The following ZNF254 variants were observed in gnomAD, a reference collection of about 807,000 sequenced individuals.
The protein encoded by ZNF254 is zinc finger protein 254, also known as CTD-2017D11.1.
In ZNF254, 10 loss-of-function variants were observed where a neutral mutation model predicts 12.4. That is an observed-to-expected ratio of 0.80 (90% CI 0.50 to 1.36). The LOEUF is 1.36. ZNF254 is among the 40% of genes most tolerant of loss of function. The pLI is 0.00. For synonymous variants in ZNF254, 305 were observed against 253.4 expected (o/e 1.20, Z -1.93); for missense variants, 996 against 763.9 (o/e 1.30, Z -3.58).
intron 3 of ZNF254, among the ~76,000 whole-genome samples, chr19:24,125,809 C>T (rs1032323206): frequency 1.3e-5 from 2 of 152,142 alleles, no homozygotes; most frequent in Non-Finnish European, 2.9e-5. Flanking sequence ...TCTTTCAGTA[C>T]TTTATGTCAT....
At chr19:24,125,487 T>C (rs551792341) in intron 3 of ZNF254, among the ~76,000 whole-genome samples, 2 of 152,106 alleles carry the variant, frequency 1.3e-5, no homozygotes, top group South Asian at 2.1e-4. Context: ...GTATATATTA[T>C]AATCCTTGAT....
intron 2 of ZNF254, among the ~76,000 whole-genome samples, chr19:24,053,667 G>A (rs959208910): frequency 3.9e-5 from 6 of 152,140 alleles, no homozygotes; most frequent in Admixed American, 1.3e-4. Flanking sequence ...TGTGCTGCCT[G>A]GTTCCTCTTG....
chr19:24,042,591 G>A (rs914102034), intron 1 of ZNF254, among the ~76,000 whole-genome samples: 8 of 152,134 alleles, frequency 5.3e-5, no homozygotes, highest in Non-Finnish European at 7.3e-5. Flanking sequence ...AACATCAGAA[G>A]GGACAGACTC....
upstream of ZNF254, among the ~76,000 whole-genome samples, chr19:24,086,430 C>T (rs941332617): frequency 1.3e-5 from 2 of 151,894 alleles, no homozygotes; most frequent in Admixed American, 6.6e-5. Context: ...CTCAGCCACC[C>T]GAGAAGCTGG....
intron 1 of ZNF254, among the ~76,000 whole-genome samples, chr19:24,045,917 C>G (rs960274921): frequency 6.6e-6 from 1 of 151,856 alleles, no homozygotes; most frequent in African/African-American, 2.4e-5. Context: ...AAAAAAAATT[C>G]TAAGTTTGTT....
chr19:24,056,241 C>T (rs987499487), intron 2 of ZNF254, among the ~76,000 whole-genome samples: 1 of 152,140 alleles, frequency 6.6e-6, no homozygotes, highest in Non-Finnish European at 1.5e-5. Flanking sequence ...TGTTCCCCGA[C>T]CACATAAGCA....
At chr19:24,064,390 C>G (rs959376754) in intron 2 of ZNF254, among the ~76,000 whole-genome samples, 1 of 152,102 alleles carries the variant, frequency 6.6e-6, no homozygotes, top group Non-Finnish European at 1.5e-5. Flanking sequence ...GACCAACATG[C>G]TAGATGATAG....
intron 3 of ZNF254, among the ~76,000 whole-genome samples, chr19:24,114,054 C>A (rs941987905): frequency 9.9e-5 from 15 of 151,576 alleles, no homozygotes; most frequent in African/African-American, 3.4e-4. Flanking sequence ...AAGAACATTC[C>A]ATGCTCATGG....
chr19:24,108,853 G>A (rs1165273063), intron 3 of ZNF254, among the ~76,000 whole-genome samples: 15 of 152,046 alleles, frequency 9.9e-5, no homozygotes, highest in Admixed American at 6.6e-4. Context: ...TAGTATGCAG[G>A]CAGGCAAAAA....
rs533902352 is a variant in ZNF254, at chr19:24,052,957, T to G, written c.-94+6678T>G. On this transcript the variant is annotated intron_variant, in intron 2 of 4. Coordinates refer to the ZNF254 transcript ENST00000613065. ...AAAGAATTAACACTCTGTCACATAC[T>G]GTGTAAAGTCGTCAAGAGGTACAGG... 3.9e-5 allele frequency among the ~76,000 whole-genome samples: 6 copies of G among 152,194 alleles called. No homozygotes were observed. The East Asian group carries it at 9.6e-4, about 24-fold the overall frequency.
chr19:24,096,145 C>T (rs1450269822), intron 1 of ZNF254, among the ~76,000 whole-genome samples: 3 of 151,392 alleles, frequency 2.0e-5, no homozygotes, highest in African/African-American at 4.9e-5. Context: ...CAGCAACCTC[C>T]GCCTCTTGGG....
chr19:24,042,427 C>G (rs988339041), intron 1 of ZNF254, among the ~76,000 whole-genome samples: 4 of 152,212 alleles, frequency 2.6e-5, no homozygotes, highest in Non-Finnish European at 4.4e-5. Context: ...AAACTTTGTT[C>G]TTTAACTCTT....
Position 24,126,694 on chromosome 19 carries a change from T to A in ZNF254, c.694T>A (p.Tyr232Asn). The part of the protein sequence containing the change: ...SSTLTNHRKI[Y>N]TEEKPYKCEE... Reference sequence around the variant, plus strand: ...AACCCTTACTAATCATAGGAAAATTTATACTGAAGAGAAACCTTACAAATG... The same window carrying A: ...AACCCTTACTAATCATAGGAAAATTAATACTGAAGAGAAACCTTACAAATG... The change falls in exon 4 of 4, where the codon TAT (tyrosine) becomes AAT (asparagine). Residue 232 changes from tyrosine to asparagine, a missense_variant. Physicochemically the swap from Tyr to Asn is moderately radical, Grantham distance 143 (BLOSUM62 -2). Transcript: ENST00000357002. The A allele has an allele frequency of 6.2e-7, 1 of 1,613,164 alleles. No individual in the cohort carries two copies. Among genetic ancestry groups the A allele is most frequent in the African/African-American group, 1.3e-5 (1 of 74,938 alleles).
chr19:24,115,003 A>G (rs1181045137), intron 3 of ZNF254, among the ~76,000 whole-genome samples: 1 of 152,294 alleles, frequency 6.6e-6, no homozygotes, highest in African/African-American at 2.4e-5. Flanking sequence ...TAGAATGGCA[A>G]TCATTAAAAA....
chr19:24,092,556 A>AT (rs1218565752), intron 1 of ZNF254, among the ~76,000 whole-genome samples: 4 of 151,016 alleles, frequency 2.6e-5, no homozygotes, highest in Non-Finnish European at 5.9e-5. Context: ...TTGTTTTTGT[A>AT]TTTTTTTAGA....
intron 1 of ZNF254, among the ~76,000 whole-genome samples, chr19:24,033,797 G>T (rs556967610): frequency 6.6e-6 from 1 of 152,308 alleles, no homozygotes; most frequent in East Asian, 1.9e-4. Context: ...CCCGCGTTCA[G>T]CCCCGTCCCT....
chr19:24,080,441 A>G (rs1971806534), intron 2 of ZNF254: 1 of 152,310 alleles, frequency 6.6e-6, no homozygotes, highest in Non-Finnish European at 1.5e-5. Context: ...GCAAGCACCC[A>G]AGAGTGACGG....
At chr19:24,111,041 T>A (rs1280863144) in intron 3 of ZNF254, among the ~76,000 whole-genome samples, 1 of 152,038 alleles carries the variant, frequency 6.6e-6, no homozygotes, top group Non-Finnish European at 1.5e-5. Context: ...CATGCTGGTG[T>A]GCTGCACCCA....
chr19:24,126,332 G>T lies in ZNF254; in HGVS notation c.332G>T (p.Arg111Ile). 6.2e-7 allele frequency: 1 copy of T among 1,607,350 alleles called. No individual in the cohort carries two copies. Among genetic ancestry groups the T allele is most frequent in the Admixed American group, 1.7e-5 (1 of 59,254 alleles). The change falls in exon 4 of 4, where the codon AGA becomes ATA. Residue 111 changes from arginine (R) to isoleucine (I), a missense_variant. Transcript: ENST00000357002. ...TCTTTTCAAAAAGCAATACTGAGAA[G>T]ATATGGAAAATATGGACATGAGAAT... ...EDSFQKAILR[R>I]YGKYGHENLQ... is the part of the protein sequence containing the mutation.
Sources: gnomAD v4.1 joint callset for allele counts (sites outside exome capture counted in the v4.1 genomes callset) on GRCh38, gnomAD v4.1.1 for gene constraint, MANE v1.5 for transcripts, NCBI Gene and HGNC (gene_info 2026-07-23, HGNC 2026-07-21) for gene names.